Variants in LAMB1 observed in about 807,000 individuals in gnomAD.
LAMB1 encodes laminin subunit beta-1.
Under a neutral mutation model 222.3 loss-of-function variants are expected in LAMB1, and 121 were observed. That is an observed-to-expected ratio of 0.54 (90% CI 0.47 to 0.63). LAMB1 has a LOEUF of 0.63. LAMB1 is among the 30% of genes least tolerant of loss of function. LAMB1 has a pLI of 0.00. For missense variants in LAMB1, 2,172 were observed against 2,240.8 expected (o/e 0.97, Z 0.62); for synonymous variants, 794 against 807.2 (o/e 0.98, Z 0.28).
intron 5 of LAMB1, among the ~76,000 whole-genome samples, chr7:107,990,514 A>G (rs542163881): frequency 6.6e-6 from 1 of 152,310 alleles, no homozygotes; most frequent in South Asian, 2.1e-4. Context: ...CAGTGGCTTC[A>G]CCATCTTCCT....
intron 7 of LAMB1, among the ~76,000 whole-genome samples, chr7:107,985,721 G>A (rs903034062): frequency 5.9e-5 from 9 of 152,122 alleles, no homozygotes; most frequent in Admixed American, 5.9e-4. Context: ...ACTTTGGGAG[G>A]CTGAGGTGAG....
intron 7 of LAMB1, among the ~76,000 whole-genome samples, chr7:107,981,049 C>A (rs2033962502): frequency 6.6e-6 from 1 of 152,168 alleles, no homozygotes; most frequent in Non-Finnish European, 1.5e-5. Context: ...TGGTAGCTCA[C>A]ACCTGTAATT....
intron 2 of LAMB1, chr7:108,002,223 G>A: frequency 7.5e-7 from 1 of 1,340,942 alleles, no homozygotes; most frequent in Non-Finnish European, 9.9e-7. Flanking sequence ...GAGTGCGTGT[G>A]CGTGCACGCG....
intron 15 of LAMB1, 64 bp from the exon 16 acceptor site, chr7:107,961,740 T>C: frequency 6.5e-7 from 1 of 1,531,980 alleles, no homozygotes; most frequent in Non-Finnish European, 8.9e-7. Context: ...TAAAAAGACC[T>C]CTCTGAATCA....
At chr7:107,978,981 T>C (rs189328227) in intron 8 of LAMB1, among the ~76,000 whole-genome samples, 60 of 152,346 alleles carry the variant, frequency 3.9e-4, no homozygotes, top group African/African-American at 1.4e-3. Context: ...AGGTCCCTCC[T>C]GGACCCACCT....
chr7:107,954,704 T>C (rs1382023936), intron 21 of LAMB1, among the ~76,000 whole-genome samples: 2 of 152,248 alleles, frequency 1.3e-5, no homozygotes, highest in Non-Finnish European at 2.9e-5. Context: ...GGCTGGAGAA[T>C]GGCGTGAACC....
At chr7:107,948,720 C>T (rs2033180502) in intron 24 of LAMB1, among the ~76,000 whole-genome samples, 1 of 151,992 alleles carries the variant, frequency 6.6e-6, no homozygotes, top group Non-Finnish European at 1.5e-5. Context: ...TACAGGAGTA[C>T]CAATTGCTTG....
intron 20 of LAMB1, among the ~76,000 whole-genome samples, chr7:107,956,068 T>C (rs997783020): frequency 6.6e-6 from 1 of 152,248 alleles, no homozygotes; most frequent in South Asian, 2.1e-4. Context: ...GGCTAATTTT[T>C]GTATTTTTAG....
At chr7:107,986,111 G>T in intron 6 of LAMB1, 26 bp from the exon 7 acceptor site, 1 of 1,610,042 alleles carries the variant, frequency 6.2e-7, no homozygotes, top group Non-Finnish European at 8.5e-7. Context: ...AGAGTAATTG[G>T]TACTTCTGCA....
In LAMB1 at chr7:107,962,848, AT is replaced by A; in HGVS notation, c.1857+56del. On this transcript the variant is annotated intron_variant, in intron 15 of 33. Transcript: ENST00000222399. ...ATATATAATACCCATTAGAAGTACT[AT>A]TTTTCTACTGATTCTCCCCTCCCTC... The A allele has an allele frequency of 3.4e-6, 5 of 1,461,854 alleles. No homozygotes were observed. In the South Asian group the frequency reaches 6.2e-5, roughly 18 times the overall value. The allele number at this position is 1,461,854 out of a possible 1,614,324, so 90.6% of individuals were successfully genotyped here.
intron 13 of LAMB1, among the ~76,000 whole-genome samples, chr7:107,964,936 G>A (rs139627037): frequency 2.2e-4 from 34 of 152,294 alleles, no homozygotes; most frequent in East Asian, 9.6e-4. Flanking sequence ...CACGCCGTCC[G>A]CATCACATGA....
At chr7:107,951,548 T>C (rs1480697388) in intron 23 of LAMB1, among the ~76,000 whole-genome samples, 1 of 152,188 alleles carries the variant, frequency 6.6e-6, no homozygotes, top group African/African-American at 2.4e-5. Flanking sequence ...GGCATGTTAT[T>C]ATTTATTTAC....
At chr7:107,981,913 T>G (rs1434701470) in intron 7 of LAMB1, among the ~76,000 whole-genome samples, 2 of 152,210 alleles carry the variant, frequency 1.3e-5, no homozygotes, top group Non-Finnish European at 2.9e-5. Context: ...GGAGAGAACA[T>G]TTCAAGTTTT....
At chr7:107,965,350 C>T (rs2033611284) in intron 13 of LAMB1, among the ~76,000 whole-genome samples, 1 of 152,192 alleles carries the variant, frequency 6.6e-6, no homozygotes. Context: ...GAGGCCGAGA[C>T]AGGCGGATCA....
At chr7:107,951,093 A>G (rs1022077945) in intron 24 of LAMB1, 133 bp downstream of exon 24, 18 of 638,436 alleles carry the variant, frequency 2.8e-5, no homozygotes, top group East Asian at 1.7e-4. Flanking sequence ...GTGTTAATTT[A>G]TTTTGCAATT....
chr7:107,955,394 T>A, intron 21 of LAMB1, 73 bp downstream of exon 21: 1 of 1,336,808 alleles, frequency 7.5e-7, no homozygotes, highest in Non-Finnish European at 1.0e-6. Context: ...GCATCTTTTT[T>A]TCTCATTAAC....
At chr7:107,935,878 AAAATT>A (rs1485581053) in intron 26 of LAMB1, among the ~76,000 whole-genome samples, 1 of 152,248 alleles carries the variant, frequency 6.6e-6, no homozygotes, top group African/African-American at 2.4e-5. Context: ...TGAAAAATGA[AAAATT>A]AAGAAAATCA....
intron 21 of LAMB1, among the ~76,000 whole-genome samples, chr7:107,954,316 G>C (rs2033328496): frequency 6.6e-6 from 1 of 150,444 alleles, no homozygotes. Flanking sequence ...CACTACACCT[G>C]ACTAATTTTG....
At chr7:107,957,615 T>C (rs1584505700) in intron 20 of LAMB1, among the ~76,000 whole-genome samples, 1 of 152,204 alleles carries the variant, frequency 6.6e-6, no homozygotes, top group South Asian at 2.1e-4. Flanking sequence ...AGAAGCAGAA[T>C]TGGGCCAGGA....
Sources: allele counts gnomAD v4.1 joint callset (sites outside exome capture counted in the v4.1 genomes callset), GRCh38; gene constraint gnomAD v4.1.1; transcripts MANE v1.5; gene names NCBI Gene and HGNC (gene_info 2026-07-23, HGNC 2026-07-21).